PRSS23: variants seen among roughly 807,000 people sequenced by gnomAD.
The protein encoded by PRSS23 is serine protease 23.
Under a neutral mutation model 34.7 loss-of-function variants are expected in PRSS23, and 25 were observed. The ratio of observed to expected loss-of-function variants is 0.72; its 90% CI spans 0.53 to 1.01. The LOEUF is 1.01. Ranked by LOEUF, PRSS23 falls within the 50% of genes least tolerant of loss-of-function variation. PRSS23 has a pLI of 0.00. For synonymous variants in PRSS23, 176 were observed against 186.6 expected, an observed-to-expected ratio of 0.94 and a Z score of 0.46; for missense variants, 445 against 475.6, an observed-to-expected ratio of 0.94 and a Z score of 0.60.
chr11:86,868,686 G>A (rs1948666392), intron 2 of PRSS23, among the ~76,000 whole-genome samples: 2 of 152,158 alleles, frequency 1.3e-5, no homozygotes, highest in Admixed American at 6.5e-5. Flanking sequence ...GAGTGGCAAG[G>A]AAGTTAGTTG....
At chr11:86,843,576 A>G (rs1308445932) in intron 2 of PRSS23, among the ~76,000 whole-genome samples, 1 of 152,162 alleles carries the variant, frequency 6.6e-6, no homozygotes, top group African/African-American at 2.4e-5. Flanking sequence ...AATTTACAAG[A>G]AAAAAAGCCC....
intron 2 of PRSS23, among the ~76,000 whole-genome samples, chr11:86,917,491 T>TAATA (rs1224712053): frequency 6.6e-6 from 1 of 152,244 alleles, no homozygotes; most frequent in African/African-American, 2.4e-5. Flanking sequence ...GTCCACAAAA[T>TAATA]AATATCTACT....
chr11:86,900,771 ATC>A (rs199994092), intron 2 of PRSS23, among the ~76,000 whole-genome samples: 3 of 126,812 alleles, frequency 2.4e-5, no homozygotes, highest in East Asian at 2.2e-4. Context: ...CAGCATTATT[ATC>A]TCTCTCTCTT....
intron 2 of PRSS23, among the ~76,000 whole-genome samples, chr11:86,854,516 G>A (rs1433561711): frequency 6.6e-6 from 1 of 152,180 alleles, no homozygotes; most frequent in East Asian, 1.9e-4. Flanking sequence ...TTGTCATTTA[G>A]ATGTAATCCA....
intron 2 of PRSS23, among the ~76,000 whole-genome samples, chr11:86,885,135 A>G (rs2071125519): frequency 6.6e-6 from 1 of 152,186 alleles, no homozygotes; most frequent in South Asian, 2.1e-4. Flanking sequence ...TCGGTGATTA[A>G]ATCTCCATTG....
At chr11:86,793,765 C>T (rs928581420) in intron 1 of PRSS23, among the ~76,000 whole-genome samples, 3 of 152,080 alleles carry the variant, frequency 2.0e-5, no homozygotes, top group Admixed American at 2.0e-4. Flanking sequence ...ATTAAATAAG[C>T]CTTTACAAAG....
chr11:86,929,946 G>A (rs943115823), intron 2 of PRSS23, among the ~76,000 whole-genome samples: 8 of 152,088 alleles, frequency 5.3e-5, no homozygotes, highest in Non-Finnish European at 1.0e-4. Context: ...TGTGTAGAGT[G>A]TGCATATGTG....
chr11:86,821,424 G>T, intron 1 of PRSS23: 1 of 1,517,724 alleles, frequency 6.6e-7, no homozygotes, highest in Non-Finnish European at 9.1e-7. Flanking sequence ...CTCTTCAGAA[G>T]ACATGCAGCA....
chr11:86,939,419 T>TTTTTTTTTTTTTAAAAA, intron 2 of PRSS23, among the ~76,000 whole-genome samples: 1 of 91,370 alleles, frequency 1.1e-5, no homozygotes, highest in Non-Finnish European at 2.6e-5. Flanking sequence ...TATATATATA[T>TTTTTTTTTTTTTAAAAA]ATATATATTT....
intron 1 of PRSS23, among the ~76,000 whole-genome samples, chr11:86,804,607 G>A (rs1948078126): frequency 6.6e-6 from 1 of 152,126 alleles, no homozygotes; most frequent in African/African-American, 2.4e-5. Context: ...TCTTATAGAT[G>A]GCTGGCTTCT....
chr11:86,822,556 G>A (rs923986290), intron 1 of PRSS23, among the ~76,000 whole-genome samples: 1 of 150,520 alleles, frequency 6.6e-6, no homozygotes, highest in Non-Finnish European at 1.5e-5. Context: ...GGGAGGTCGA[G>A]ACTGCAGTGA....
chr11:86,880,934 T>A (rs531292169), intron 2 of PRSS23, among the ~76,000 whole-genome samples: 2 of 152,248 alleles, frequency 1.3e-5, no homozygotes, highest in Admixed American at 6.5e-5. Context: ...GCCCTAGTAA[T>A]GTTTTTGTGG....
chr11:86,939,431 T>TTTTTTTAAAAAAATATATATATATATA (rs1555084022), intron 2 of PRSS23, among the ~76,000 whole-genome samples: 1 of 141,752 alleles, frequency 7.1e-6, no homozygotes. Flanking sequence ...TATATATTTT[T>TTTTTTTAAAAAAATATATATATATATA]TAACATGAGT....
chr11:86,917,933 G>A (rs1949024548), intron 2 of PRSS23, among the ~76,000 whole-genome samples: 1 of 152,190 alleles, frequency 6.6e-6, no homozygotes, highest in South Asian at 2.1e-4. Flanking sequence ...TCACTGTGTA[G>A]TAGCAGAGAC....
At chr11:86,813,161 C>T (rs1948192184), downstream of PRSS23, among the ~76,000 whole-genome samples, 1 of 152,206 alleles carries the variant, frequency 6.6e-6, no homozygotes, top group African/African-American at 2.4e-5. Flanking sequence ...GGTGATATAA[C>T]CCTCTGTCTC....
At chr11:86,798,155 C>A (rs186145497), upstream of PRSS23, among the ~76,000 whole-genome samples, 2 of 152,154 alleles carry the variant, frequency 1.3e-5, no homozygotes, top group Non-Finnish European at 2.9e-5. Context: ...AGATACTTAC[C>A]TTTTAATGGT....
rs997468519 is a variant in PRSS23 at position 86,809,048 on chromosome 11, A to G, written c.*253A>G. 1 of 379,720 alleles carries G rather than the reference A, an allele frequency of 2.6e-6. No individual in the cohort carries two copies. The highest frequency in any genetic ancestry group is 2.1e-5 in the African/African-American group (1 of 47,814). 23.5% of individuals were successfully genotyped at this position (379,720 alleles called of 1,614,324 possible). A position where few individuals can be genotyped will look rare whatever the true frequency, so the allele number is the denominator to read the frequency against. ...ACTTTTGCATAGAAATAAAAAAAAT[A>G]CTGATTTGGGGCAATGAGGAATATT... On this transcript the variant is annotated 3_prime_UTR_variant, in exon 2 of 2. Coordinates refer to ENST00000280258, the MANE Select transcript of PRSS23 (RefSeq NM_007173.6).
intron 2 of PRSS23, among the ~76,000 whole-genome samples, chr11:86,901,904 A>G (rs1948914040): frequency 6.6e-6 from 1 of 152,192 alleles, no homozygotes; most frequent in Admixed American, 6.5e-5. Context: ...ATGGTCATTT[A>G]TGAAAACCAG....
At chr11:86,925,459 T>C (rs925439034) in intron 2 of PRSS23, among the ~76,000 whole-genome samples, 1 of 152,162 alleles carries the variant, frequency 6.6e-6, no homozygotes, top group Non-Finnish European at 1.5e-5. Context: ...ACCTTAATAG[T>C]AGCAGGGTTG....
Sources: gnomAD v4.1 joint callset for allele counts (sites outside exome capture counted in the v4.1 genomes callset) on GRCh38, gnomAD v4.1.1 for gene constraint, MANE v1.5 for transcripts, NCBI Gene and HGNC (gene_info 2026-07-23, HGNC 2026-07-21) for gene names.